PIP4K2A: variants seen among roughly 807,000 people sequenced by gnomAD.
PIP4K2A encodes the protein phosphatidylinositol-5-phosphate 4-kinase type 2 alpha, also known as phosphatidylinositol 5-phosphate 4-kinase type-2 alpha.
PIP4K2A carries 14 observed loss-of-function variants against 42.9 expected under a neutral mutation model. The ratio of observed to expected loss-of-function variants is 0.33; its 90% CI spans 0.22 to 0.51. The LOEUF (loss-of-function observed/expected upper bound fraction) is 0.51. Among genes scored for constraint, PIP4K2A ranks in the 20% least tolerant of loss-of-function variants. PIP4K2A has a pLI of 0.97. For synonymous variants in PIP4K2A, 192 were observed against 192.2 expected (o/e 1.00, Z 0.01); for missense variants, 434 against 519.8 (o/e 0.83, Z 1.61).
At chr10:22,558,482 G>A (rs1836607182) in intron 6 of PIP4K2A, among the ~76,000 whole-genome samples, 1 of 152,142 alleles carries the variant, frequency 6.6e-6, no homozygotes, top group Non-Finnish European at 1.5e-5. Context: ...CTGCTTCTTG[G>A]AACATCTAAG....
chr10:22,550,275 A>C (rs1836371378), intron 7 of PIP4K2A, among the ~76,000 whole-genome samples: 1 of 152,196 alleles, frequency 6.6e-6, no homozygotes, highest in African/African-American at 2.4e-5. Context: ...ATAGTGACTG[A>C]ATATTTGTTT....
intron 1 of PIP4K2A, among the ~76,000 whole-genome samples, chr10:22,637,219 G>T (rs1838685302): frequency 1.3e-5 from 2 of 152,098 alleles, no homozygotes; most frequent in Admixed American, 1.3e-4. Context: ...ACCTAGGTTG[G>T]TCTCTCTGGA....
chr10:22,707,754 G>A (rs73598595), intron 1 of PIP4K2A, among the ~76,000 whole-genome samples: 1,583 of 152,134 alleles, frequency 0.01, 21 homozygotes, highest in African/African-American at 0.036. Context: ...TGGCTGCTGC[G>A]TGCTCTCCCC....
intron 1 of PIP4K2A, among the ~76,000 whole-genome samples, chr10:22,665,680 TG>T (rs1020179820): frequency 1.3e-5 from 2 of 151,060 alleles, no homozygotes; most frequent in African/African-American, 4.9e-5. Context: ...CTCAAACTCT[TG>T]GGCTCAAGCA....
At chr10:22,687,095 T>C (rs115034953) in intron 1 of PIP4K2A, among the ~76,000 whole-genome samples, 361 of 151,140 alleles carry the variant, frequency 2.4e-3, no homozygotes, top group African/African-American at 8.4e-3. Flanking sequence ...CGGCATGCTA[T>C]GTGACACTAT....
In PIP4K2A at chr10:22,607,978, C is replaced by T. The variant is rs775609913; in HGVS notation, c.288G>A (p.Met96Ile). 1.3e-5 allele frequency: 21 copies of T among 1,613,298 alleles called. No homozygotes were observed. In the Admixed American group the frequency reaches 2.5e-4, roughly 19 times the overall value. The change falls in exon 3 of 10, where the codon ATG becomes ATA. Residue 96 changes from methionine to isoleucine, a missense_variant. By Grantham distance (10) the Met-to-Ile change is conservative. Transcript: ENST00000376573. ...SHFKFKEYCPMVFRNLRERFG... is the reference protein window; with the variant it reads ...SHFKFKEYCPIVFRNLRERFG... ...ACCTCTCCCGCAGGTTACGGAAGAC[C>T]ATCGGGCAGTATTCCTTAAACTTGA...
At chr10:22,542,670 G>A (rs2130743947) in intron 7 of PIP4K2A, among the ~76,000 whole-genome samples, 1 of 152,360 alleles carries the variant, frequency 6.6e-6, no homozygotes, top group South Asian at 2.1e-4. Context: ...GCCGTGGCTA[G>A]AACATAATGT....
chr10:22,646,449 T>A (rs1838883385), intron 1 of PIP4K2A, among the ~76,000 whole-genome samples: 1 of 152,224 alleles, frequency 6.6e-6, no homozygotes, highest in African/African-American at 2.4e-5. Flanking sequence ...TGGTTTCTGG[T>A]TATCTTGTAC....
chr10:22,588,969 C>T (rs1837455219), intron 4 of PIP4K2A, among the ~76,000 whole-genome samples: 1 of 152,180 alleles, frequency 6.6e-6, no homozygotes, highest in South Asian at 2.1e-4. Context: ...ATTTTGATCC[C>T]ACACTTATTT....
At chr10:22,713,539 C>T (rs934001656) in intron 1 of PIP4K2A, among the ~76,000 whole-genome samples, 6 of 152,328 alleles carry the variant, frequency 3.9e-5, no homozygotes, top group African/African-American at 1.4e-4. Context: ...GGATGCCGCC[C>T]GACGCCAGAG....
At position 22,704,776 on chromosome 10, in the gene PIP4K2A, T is replaced by G. The variant is rs551773355; in HGVS notation, c.144+9407A>C. The stretch of plus-strand genomic sequence containing the variant: ...GCTTTCAAGATGGGCGGCCCCGGAA[T>G]GGTGAGCCATGTCAGTGGAAGACAC... On this transcript the variant is annotated intron_variant, in intron 1 of 9. Coordinates refer to ENST00000376573, the MANE Select transcript of PIP4K2A (RefSeq NM_005028.5). Among the ~76,000 whole-genome samples, 6 of 151,794 alleles carry G rather than the reference T, an allele frequency of 4.0e-5. No individual in the cohort carries two copies. In the South Asian group the frequency reaches 1.3e-3, roughly 32 times the overall value.
chr10:22,564,213 G>C (rs764309212), intron 6 of PIP4K2A, among the ~76,000 whole-genome samples: 2 of 152,172 alleles, frequency 1.3e-5, no homozygotes, highest in Non-Finnish European at 2.9e-5. Flanking sequence ...TACAGATACA[G>C]GAAGTCAAAT....
intron 1 of PIP4K2A, among the ~76,000 whole-genome samples, chr10:22,644,276 T>G (rs943072518): frequency 1.3e-5 from 2 of 152,110 alleles, no homozygotes; most frequent in Non-Finnish European, 1.5e-5. Context: ...TGTGGGCTCT[T>G]TATTCAAAAC....
intron 3 of PIP4K2A, among the ~76,000 whole-genome samples, chr10:22,600,923 GAC>G (rs773073307): frequency 3.3e-5 from 5 of 151,850 alleles, no homozygotes; most frequent in Non-Finnish European, 7.4e-5. Context: ...AGGGGAGCAA[GAC>G]ACAGTGCAAT....
At chr10:22,636,637 C>G (rs530743801) in intron 1 of PIP4K2A, among the ~76,000 whole-genome samples, 1 of 152,326 alleles carries the variant, frequency 6.6e-6, no homozygotes, top group South Asian at 2.1e-4. Context: ...TGAAAGTTTA[C>G]AGCCTAGGAC....
intron 1 of PIP4K2A, among the ~76,000 whole-genome samples, chr10:22,612,602 C>A (rs1326338): frequency 0.78 from 118,264 of 152,092 alleles, 47,871 homozygotes; most frequent in East Asian, 0.9. Context: ...AGGGCGGAGG[C>A]GGCAGCAGAA....
chr10:22,667,140 T>C (rs1588695906), intron 1 of PIP4K2A, among the ~76,000 whole-genome samples: 1 of 152,228 alleles, frequency 6.6e-6, no homozygotes. Context: ...GCCCTGATCA[T>C]GTAAAATGCC....
chr10:22,595,721 C>T (rs1837619128), intron 3 of PIP4K2A, among the ~76,000 whole-genome samples: 1 of 152,080 alleles, frequency 6.6e-6, no homozygotes. Context: ...CACACCACCG[C>T]ACTCCAACCT....
chr10:22,566,413 C>A (rs1244607258), intron 6 of PIP4K2A, among the ~76,000 whole-genome samples: 4 of 152,192 alleles, frequency 2.6e-5, no homozygotes, highest in Non-Finnish European at 1.5e-5. Context: ...GGAATGAACA[C>A]CTACCTACCC....
Sources: allele counts gnomAD v4.1 joint callset (sites outside exome capture counted in the v4.1 genomes callset), GRCh38; gene constraint gnomAD v4.1.1; transcripts MANE v1.5; gene names NCBI Gene and HGNC (gene_info 2026-07-23, HGNC 2026-07-21).